FBXL17: variants seen among roughly 807,000 people sequenced by gnomAD.
FBXL17 encodes the protein F-box/LRR-repeat protein 17.
In FBXL17, 22 loss-of-function variants were observed where a neutral mutation model predicts 66.2. The ratio of observed to expected loss-of-function variants is 0.33; its 90% CI spans 0.24 to 0.47. The LOEUF (loss-of-function observed/expected upper bound fraction) is 0.47, where lower values mean the gene tolerates loss of function less well. FBXL17 is among the 20% of genes least tolerant of loss of function. The probability of loss-of-function intolerance (pLI) is 1.00; values close to 1 mark genes in which losing one functional copy is unlikely to be tolerated. For missense variants in FBXL17, 878 were observed against 948.2 expected, an observed-to-expected ratio of 0.93 and a Z score of 0.97; for synonymous variants, 474 against 400.5, an observed-to-expected ratio of 1.18 and a Z score of -2.19.
At chr5:108,207,690 T>C (rs954830614) in intron 5 of FBXL17, among the ~76,000 whole-genome samples, 3 of 152,216 alleles carry the variant, frequency 2.0e-5, no homozygotes. Context: ...CCATGGTGTA[T>C]ATGTGCCACA....
rs1222191433 is a variant in FBXL17 at position 108,049,245 on chromosome 5, C to A, written c.1746-28244G>T. ...GCAACCTCTGCCTCCCAGGTTCAAG[C>A]AATTCCCCTGCCTTAGCCTCCCAAG... On this transcript the variant is annotated intron_variant, in intron 6 of 8. Coordinates refer to ENST00000542267, the MANE Select transcript of FBXL17 (RefSeq NM_001163315.3). 2.0e-5 allele frequency among the ~76,000 whole-genome samples: 3 copies of A among 152,048 alleles called. No individual in the cohort carries two copies. In the East Asian group the frequency reaches 5.8e-4, roughly 29 times the overall value.
chr5:108,254,161 T>A (rs1756476033), intron 4 of FBXL17, among the ~76,000 whole-genome samples: 1 of 152,234 alleles, frequency 6.6e-6, no homozygotes, highest in Non-Finnish European at 1.5e-5. Context: ...ATTTTCAAGT[T>A]GCATTATATA....
At chr5:108,136,319 G>T (rs1308292657) in intron 6 of FBXL17, among the ~76,000 whole-genome samples, 4 of 151,986 alleles carry the variant, frequency 2.6e-5, no homozygotes, top group Non-Finnish European at 5.9e-5. Context: ...AAAGGAAAAT[G>T]GCAAACATAC....
intron 4 of FBXL17, among the ~76,000 whole-genome samples, chr5:108,325,922 C>T (rs886308071): frequency 2.0e-5 from 3 of 152,158 alleles, no homozygotes; most frequent in African/African-American, 7.2e-5. Context: ...AAAGACTCTA[C>T]TCATTCAAAA....
chr5:108,072,271 A>G (rs289233), intron 6 of FBXL17, among the ~76,000 whole-genome samples: 7,088 of 152,272 alleles, frequency 0.047, 567 homozygotes, highest in African/African-American at 0.16. Context: ...AAGAAGTAAG[A>G]AAGAATACCC....
At chr5:108,351,603 A>G (rs1348815137) in intron 3 of FBXL17, among the ~76,000 whole-genome samples, 2 of 152,206 alleles carry the variant, frequency 1.3e-5, no homozygotes, top group African/African-American at 2.4e-5. Context: ...CAAACTCCAG[A>G]GTCAGGTTAA....
At chr5:108,019,558 A>G (rs1255473969) in intron 7 of FBXL17, among the ~76,000 whole-genome samples, 1 of 152,126 alleles carries the variant, frequency 6.6e-6, no homozygotes, top group Non-Finnish European at 1.5e-5. Context: ...CTGGAAGAGC[A>G]GGTAATGACA....
chr5:108,144,280 G>GA (rs759596034), intron 6 of FBXL17, among the ~76,000 whole-genome samples: 2 of 152,184 alleles, frequency 1.3e-5, no homozygotes, highest in East Asian at 1.9e-4. Context: ...AAAAGTTGCT[G>GA]AAAAAACCAA....
intron 7 of FBXL17, among the ~76,000 whole-genome samples, chr5:107,937,019 T>TA (rs1750931036): frequency 6.6e-6 from 1 of 151,542 alleles, no homozygotes; most frequent in African/African-American, 2.4e-5. Context: ...AACCATGGAT[T>TA]AAAAAAAATT....
chr5:108,204,191 T>C (rs1754015471), intron 5 of FBXL17, among the ~76,000 whole-genome samples: 1 of 152,098 alleles, frequency 6.6e-6, no homozygotes, highest in Non-Finnish European at 1.5e-5. Flanking sequence ...TTATTTAATA[T>C]AAGGTCTTTT....
chr5:108,190,373 TAGAG>T (rs933333328), intron 5 of FBXL17, among the ~76,000 whole-genome samples: 1 of 151,960 alleles, frequency 6.6e-6, no homozygotes, highest in African/African-American at 2.4e-5. Flanking sequence ...GAAAGAGAAA[TAGAG>T]AGAGACAGAG....
intron 7 of FBXL17, among the ~76,000 whole-genome samples, chr5:107,971,788 AGCATACTGG>A (rs1196072272): frequency 6.6e-6 from 1 of 152,154 alleles, no homozygotes; most frequent in Non-Finnish European, 1.5e-5. Context: ...GGCATTTTAG[AGCATACTGG>A]GCTCACTTCC....
intron 7 of FBXL17, among the ~76,000 whole-genome samples, chr5:108,003,479 C>T (rs1039497550): frequency 1.6e-4 from 24 of 152,022 alleles, no homozygotes; most frequent in African/African-American, 5.1e-4. Flanking sequence ...ACCCAATTCA[C>T]TATGAATGAG....
At chr5:107,987,636 C>A (rs1054098465) in intron 7 of FBXL17, among the ~76,000 whole-genome samples, 29 of 151,934 alleles carry the variant, frequency 1.9e-4, no homozygotes, top group African/African-American at 6.0e-4. Context: ...GAAGATAAAA[C>A]CTCTTCGTGA....
At chr5:108,262,705 G>C (rs1266016278) in intron 4 of FBXL17, among the ~76,000 whole-genome samples, 1 of 150,542 alleles carries the variant, frequency 6.6e-6, no homozygotes, top group African/African-American at 2.5e-5. Context: ...TTAGGAATTA[G>C]ATGGGAAAAA....
At chr5:107,959,004 C>T (rs1021565908) in intron 7 of FBXL17, among the ~76,000 whole-genome samples, 7 of 152,116 alleles carry the variant, frequency 4.6e-5, no homozygotes, top group African/African-American at 9.7e-5. Context: ...AGATCAGGTG[C>T]GTTAGCATCA....
chr5:107,876,455 G>A (rs1393335910), intron 8 of FBXL17, among the ~76,000 whole-genome samples: 3 of 152,118 alleles, frequency 2.0e-5, no homozygotes, highest in Non-Finnish European at 2.9e-5. Context: ...GAATTGCTAC[G>A]TTTATGATGT....
At chr5:108,081,215 G>A (rs1748749816) in intron 6 of FBXL17, among the ~76,000 whole-genome samples, 1 of 152,062 alleles carries the variant, frequency 6.6e-6, no homozygotes, top group African/African-American at 2.4e-5. Context: ...ATTCCAAAAG[G>A]AGGAGAGTAT....
chr5:108,050,476 A>C (rs532829582), intron 6 of FBXL17, among the ~76,000 whole-genome samples: 1 of 152,352 alleles, frequency 6.6e-6, no homozygotes, highest in East Asian at 1.9e-4. Context: ...TGAGTAAATA[A>C]TGAAATTAAG....
Sources: allele counts gnomAD v4.1 joint callset (sites outside exome capture counted in the v4.1 genomes callset), GRCh38; gene constraint gnomAD v4.1.1; transcripts MANE v1.5; gene names NCBI Gene and HGNC (gene_info 2026-07-23, HGNC 2026-07-21).